COMMD1: variants seen among roughly 807,000 people sequenced by gnomAD.
COMMD1 encodes COMM domain-containing protein 1.
A neutral mutation model predicts 17.2 loss-of-function variants in COMMD1; 10 were observed. The observed-to-expected ratio is 0.58, with a 90% CI of 0.36 to 0.99. The LOEUF is 0.99. Among genes scored for constraint, COMMD1 ranks in the 50% least tolerant of loss-of-function variants. COMMD1 has a pLI of 0.01. For synonymous variants in COMMD1, 97 were observed against 91.6 expected (o/e 1.06, Z -0.34); for missense variants, 270 against 231.8 (o/e 1.17, Z -1.07).
chr2:61,902,124 C>G (rs1558515242), upstream of COMMD1, among the ~76,000 whole-genome samples: 1 of 151,738 alleles, frequency 6.6e-6, no homozygotes, highest in Non-Finnish European at 1.5e-5. Context: ...AGCCACCGCA[C>G]CCGGCCTAGA....
intron 2 of COMMD1, among the ~76,000 whole-genome samples, chr2:62,070,548 T>TAAAA (rs70946779): frequency 1.5e-5 from 2 of 131,080 alleles, no homozygotes; most frequent in Admixed American, 7.8e-5. Flanking sequence ...ACCCTGTCTC[T>TAAAA]AAAAAAAAAA....
chr2:61,921,319 T>C (rs1670190827), intron 1 of COMMD1, among the ~76,000 whole-genome samples: 1 of 152,168 alleles, frequency 6.6e-6, no homozygotes, highest in Admixed American at 6.6e-5. Flanking sequence ...AAGTAAACAT[T>C]TGTAACCATT....
chr2:61,999,517 C>T (rs1411340002), intron 1 of COMMD1, among the ~76,000 whole-genome samples: 1 of 152,142 alleles, frequency 6.6e-6, no homozygotes, highest in Non-Finnish European at 1.5e-5. Context: ...TATATCAAAC[C>T]AAGCCTGGCT....
At chr2:61,936,574 G>C (rs1417895938) in intron 1 of COMMD1, among the ~76,000 whole-genome samples, 2 of 152,188 alleles carry the variant, frequency 1.3e-5, no homozygotes, top group Non-Finnish European at 2.9e-5. Context: ...GACAGTGAGT[G>C]CATTGACAAA....
chr2:62,008,618 A>G (rs1669192260), intron 2 of COMMD1, among the ~76,000 whole-genome samples: 1 of 152,186 alleles, frequency 6.6e-6, no homozygotes, highest in Non-Finnish European at 1.5e-5. Context: ...CTTGTATTTA[A>G]GGTTGATTTT....
At chr2:61,995,743 GA>G (rs891896887) in intron 1 of COMMD1, among the ~76,000 whole-genome samples, 3 of 152,190 alleles carry the variant, frequency 2.0e-5, no homozygotes, top group African/African-American at 7.2e-5. Context: ...GGTGCTTTCA[GA>G]AAAATCAGTT....
intron 2 of COMMD1, chr2:62,118,204 A>AT (rs1452953764): frequency 6.6e-6 from 1 of 152,188 alleles, no homozygotes; most frequent in Non-Finnish European, 1.5e-5. Flanking sequence ...AAATTCTGTC[A>AT]TTTTTACAGT....
intron 1 of COMMD1, among the ~76,000 whole-genome samples, chr2:61,918,130 C>G (rs1670096223): frequency 6.6e-6 from 1 of 152,086 alleles, no homozygotes; most frequent in Non-Finnish European, 1.5e-5. Context: ...GTTTCTAGTT[C>G]AGAAAATGCT....
chr2:62,078,903 GT>G (rs1307900238), intron 2 of COMMD1, among the ~76,000 whole-genome samples: 3 of 151,860 alleles, frequency 2.0e-5, no homozygotes, highest in African/African-American at 7.3e-5. Context: ...AAGAATTGTG[GT>G]GACCAAAGTT....
chr2:61,900,978 ACT>A (rs1305442169), upstream of COMMD1, among the ~76,000 whole-genome samples: 1 of 152,136 alleles, frequency 6.6e-6, no homozygotes, highest in South Asian at 2.1e-4. Flanking sequence ...AGACAGTCTT[ACT>A]CTGTCACCCA....
intron 2 of COMMD1, among the ~76,000 whole-genome samples, chr2:62,066,746 GAC>G (rs1167860719): frequency 6.7e-6 from 1 of 149,752 alleles, no homozygotes; most frequent in Non-Finnish European, 1.5e-5. Flanking sequence ...TGGTTTTTGA[GAC>G]ACAGTCTTGC....
chr2:61,906,082 G>A (rs958645961), intron 1 of COMMD1, among the ~76,000 whole-genome samples: 1 of 152,172 alleles, frequency 6.6e-6, no homozygotes, highest in African/African-American at 2.4e-5. Flanking sequence ...CCAGTCCCCC[G>A]GTAGACTGAC....
chr2:62,042,871 A>T (rs1166396853), intron 2 of COMMD1, among the ~76,000 whole-genome samples: 1 of 152,260 alleles, frequency 6.6e-6, no homozygotes, highest in Admixed American at 6.5e-5. Flanking sequence ...TAGATGAGAT[A>T]GTAGGTCAGT....
chr2:62,111,852 G>A (rs979121873), intron 2 of COMMD1, among the ~76,000 whole-genome samples: 1 of 152,140 alleles, frequency 6.6e-6, no homozygotes, highest in African/African-American at 2.4e-5. Context: ...ATACTTTCAA[G>A]TCCCTTTAGT....
chr2:61,935,298 T>A (rs1217392935), intron 1 of COMMD1, among the ~76,000 whole-genome samples: 3 of 152,270 alleles, frequency 2.0e-5, no homozygotes, highest in Non-Finnish European at 4.4e-5. Flanking sequence ...TACAGTCTGA[T>A]AACCCAGGAA....
chr2:61,968,377 CTT>C (rs1671560288), intron 1 of COMMD1, among the ~76,000 whole-genome samples: 4 of 152,216 alleles, frequency 2.6e-5, no homozygotes, highest in East Asian at 1.9e-4. Context: ...AGCAAATTCT[CTT>C]TGCTTAATTT....
At chr2:61,968,370 A>T (rs1241640570) in intron 1 of COMMD1, among the ~76,000 whole-genome samples, 3 of 152,202 alleles carry the variant, frequency 2.0e-5, no homozygotes, top group Non-Finnish European at 4.4e-5. Context: ...CTCATATAGC[A>T]AATTCTCTTT....
chr2:62,055,538 A>G (rs1242433093), intron 2 of COMMD1: 1 of 448,184 alleles, frequency 2.2e-6, no homozygotes, highest in Non-Finnish European at 4.5e-6. Flanking sequence ...CTGCTTTGCC[A>G]CATGGAGACC....
At chr2:61,939,838 T>G (rs1670696911) in intron 1 of COMMD1, among the ~76,000 whole-genome samples, 1 of 152,190 alleles carries the variant, frequency 6.6e-6, no homozygotes, top group Non-Finnish European at 1.5e-5. Context: ...AAACAGGTCA[T>G]GAGAGCTATC....
Sources: gnomAD v4.1 joint callset for allele counts (sites outside exome capture counted in the v4.1 genomes callset) on GRCh38, gnomAD v4.1.1 for gene constraint, MANE v1.5 for transcripts, NCBI Gene and HGNC (gene_info 2026-07-23, HGNC 2026-07-21) for gene names.